MBTPS1: variants seen among roughly 807,000 people sequenced by gnomAD.
MBTPS1 encodes membrane-bound transcription factor site-1 protease.
Under a neutral mutation model 127.8 loss-of-function variants are expected in MBTPS1, and 94 were observed. That is an observed-to-expected ratio of 0.74 (90% confidence interval 0.62 to 0.87). The LOEUF (loss-of-function observed/expected upper bound fraction) is 0.87. Ranked by LOEUF, MBTPS1 falls within the 40% of genes least tolerant of loss-of-function variation. The probability of loss-of-function intolerance (pLI) is 0.00; values close to 1 mark genes in which losing one functional copy is unlikely to be tolerated. For synonymous variants in MBTPS1, 632 were observed against 509.4 expected (o/e 1.24, Z -3.24); for missense variants, 1,636 against 1,353.2 (o/e 1.21, Z -3.28).
At chr16:84,090,995 C>T in intron 7 of MBTPS1, 53 bp from the exon 8 acceptor site, 4 of 872,538 alleles carry the variant, frequency 4.6e-6, no homozygotes, top group Non-Finnish European at 3.5e-6. Flanking sequence ...AAACATATAA[C>T]TGTCAAAAAA....
Position 84,099,974 on chromosome 16 carries a change from G to A in MBTPS1, c.164-664C>T, listed in dbSNP as rs57661814. Among the ~76,000 whole-genome samples, 694 of 152,276 alleles carry A rather than the reference G, an allele frequency of 4.6e-3. 5 individuals carry two copies. The highest frequency in any genetic ancestry group is 0.016 in the African/African-American group (651 of 41,560). On this transcript the variant is annotated intron_variant, in intron 2 of 22. Coordinates refer to ENST00000343411, the MANE Select transcript of MBTPS1 (RefSeq NM_003791.4). ...ATGCTCAGTTAGTGTTTCTTAAAAC[G>A]AAAACAGTAACAAAATTCCAGAGTG...
chr16:84,076,105 T>C (rs1164684014), intron 11 of MBTPS1, among the ~76,000 whole-genome samples: 2 of 152,206 alleles, frequency 1.3e-5, no homozygotes, highest in Admixed American at 6.5e-5. Flanking sequence ...GTGGCATTTA[T>C]TACAGATTGG....
intron 12 of MBTPS1, among the ~76,000 whole-genome samples, chr16:84,071,475 A>G (rs1323846283): frequency 2.0e-5 from 3 of 152,244 alleles, no homozygotes; most frequent in Non-Finnish European, 2.9e-5. Context: ...AAATATCTGT[A>G]GGATACGGTG....
At chr16:84,069,842 A>C (rs1338949279) in intron 14 of MBTPS1, 24 bp downstream of exon 14, 1 of 1,601,370 alleles carries the variant, frequency 6.2e-7, no homozygotes, top group Non-Finnish European at 8.5e-7. Flanking sequence ...TGGGGAGGTG[A>C]AGTGCATCCT....
At position 84,116,769 on chromosome 16, in the gene MBTPS1, GGA is replaced by G. The variant is rs1034854987; in HGVS notation, c.-361_-360del. On this transcript the variant is annotated 5_prime_UTR_variant, in exon 1 of 23. It removes the in-frame stop codon of an upstream open reading frame in the 5' UTR. Coordinates refer to ENST00000343411, the MANE Select transcript of MBTPS1 (RefSeq NM_003791.4). ...CGGGAGCTCAGGGCCGGCGGGCCCG[GGA>G]TAACGGCGCCTCCGCGGCGAACACG... 6.6e-6 allele frequency: 1 copy of G among 152,094 alleles called. No individual in the cohort carries two copies. The highest frequency in any genetic ancestry group is 2.4e-5 in the African/African-American group (1 of 41,418). 9.4% of individuals were successfully genotyped at this position (152,094 alleles called of 1,614,324 possible).
intron 19 of MBTPS1, chr16:84,061,451 C>G (rs2151141873): frequency 6.6e-6 from 1 of 152,366 alleles, no homozygotes; most frequent in South Asian, 2.1e-4. Context: ...GACAGTGAGA[C>G]CATGTGACAC....
chr16:84,115,133 T>G (rs2086454621), intron 1 of MBTPS1, among the ~76,000 whole-genome samples: 1 of 152,118 alleles, frequency 6.6e-6, no homozygotes, highest in African/African-American at 2.4e-5. Flanking sequence ...TTCACCACGT[T>G]GGCCAGGCTG....
At chr16:84,112,116 C>T (rs753444322) in intron 1 of MBTPS1, among the ~76,000 whole-genome samples, 6 of 151,780 alleles carry the variant, frequency 4.0e-5, no homozygotes, top group African/African-American at 1.5e-4. Flanking sequence ...GCAGGAGAAT[C>T]GCTTGAACCA....
chr16:84,054,762 C>G (rs770980667), intron 22 of MBTPS1, 117 bp from the exon 23 acceptor site: 1 of 730,764 alleles, frequency 1.4e-6, no homozygotes, highest in South Asian at 2.1e-5. Context: ...ACTAGCTGGG[C>G]TTGCAGGGCA....
Position 84,060,749 on chromosome 16 carries a change from G to C in MBTPS1, c.2637C>G (p.Leu879=). ...GGCGCTGGCGGTTCCCAGAGTGACT[G>C]AGGCTAGGCGGTGTCACCCCATACG... is the stretch of plus-strand genomic sequence containing the variant. ...YTSYGVTPPS[L]SHSGNRQRPP... Residue 879 remains leucine (L), a synonymous_variant, in exon 20 of 23, where the codon CTC becomes CTG. Transcript: ENST00000343411. The C allele has an allele frequency of 6.2e-7, 1 of 1,611,630 alleles. No homozygotes were observed. Among genetic ancestry groups the C allele is most frequent in the Non-Finnish European group, 8.5e-7 (1 of 1,178,930 alleles).
Position 84,066,627 on chromosome 16 carries a change from AAC to A in MBTPS1, c.2229-16_2229-15del. 1.2e-6 allele frequency: 2 copies of A among 1,613,500 alleles called. No homozygotes were observed. The highest frequency in any genetic ancestry group is 1.7e-6 in the Non-Finnish European group (2 of 1,179,632). On this transcript the variant is annotated splice_polypyrimidine_tract_variant and intron_variant, in intron 16 of 22. Transcript: ENST00000343411. ...ATCCACCACTGCCTGGGAAAGTGGT[AAC>A]AGACACACAGGGAACAGGGAATGAA...
chr16:84,103,536 G>A (rs1597350362), intron 1 of MBTPS1, among the ~76,000 whole-genome samples: 2 of 152,096 alleles, frequency 1.3e-5, no homozygotes, highest in Admixed American at 1.3e-4. Flanking sequence ...ACAGACAAGA[G>A]CCGCCATGTC....
chr16:84,086,784 G>A (rs181461596), intron 9 of MBTPS1, among the ~76,000 whole-genome samples: 100 of 152,284 alleles, frequency 6.6e-4, no homozygotes, highest in East Asian at 1.9e-3. Context: ...TGTTCTGCAC[G>A]AGCGTCTAAT....
chr16:84,072,280 A>G (rs1025236846), intron 12 of MBTPS1: 2 of 152,272 alleles, frequency 1.3e-5, no homozygotes, highest in African/African-American at 4.8e-5. Flanking sequence ...GCCCACAGAG[A>G]CAGAAAGCAG....
chr16:84,085,286 G>T (rs1302946351), intron 9 of MBTPS1, 152 bp from the exon 10 acceptor site: 1 of 811,168 alleles, frequency 1.2e-6, no homozygotes, highest in Non-Finnish European at 1.9e-6. Context: ...ATTCACTCCA[G>T]GCCAGGCGCA....
chr16:84,111,705 G>C (rs762282573), intron 1 of MBTPS1, among the ~76,000 whole-genome samples: 4 of 152,144 alleles, frequency 2.6e-5, no homozygotes, highest in Non-Finnish European at 5.9e-5. Flanking sequence ...ACTTTGACTT[G>C]AGCTCAGTGA....
intron 9 of MBTPS1, among the ~76,000 whole-genome samples, chr16:84,085,576 C>CG (rs1432762469): frequency 3.1e-4 from 30 of 97,772 alleles, no homozygotes; most frequent in South Asian, 1.3e-3. Flanking sequence ...CACCCGCCCC[C>CG]CCCCCAAAAA....
rs770541044 is a variant in MBTPS1 at position 84,093,260 on chromosome 16, G to T, written c.774C>A (p.Ala258=). 6.2e-7 allele frequency: 1 copy of T among 1,614,002 alleles called. No individual in the cohort carries two copies. The highest frequency in any genetic ancestry group is 8.5e-7 in the Non-Finnish European group (1 of 1,179,886). Residue 258 remains alanine, a synonymous_variant, in exon 6 of 23, where the codon GCC becomes GCA. Transcript: ENST00000343411. ...GHGTFVAGVI[A]SMRECQGFAP... ...CAAATCCTTGGCACTCCCTCATGCT[G>T]GCTATCACACCTGCCACGAATGTGC... is the stretch of plus-strand genomic sequence containing the variant.
chr16:84,067,076 T>C (rs1208860531), intron 16 of MBTPS1, among the ~76,000 whole-genome samples: 1 of 152,142 alleles, frequency 6.6e-6, no homozygotes, highest in African/African-American at 2.4e-5. Context: ...AGTAAATTAA[T>C]TATTGTAAAT....
Sources: gnomAD v4.1 joint callset for allele counts (sites outside exome capture counted in the v4.1 genomes callset) on GRCh38, gnomAD v4.1.1 for gene constraint, MANE v1.5 for transcripts, NCBI Gene and HGNC (gene_info 2026-07-23, HGNC 2026-07-21) for gene names.